The following KAZN variants were observed in gnomAD, a reference collection of about 807,000 sequenced individuals.
The protein encoded by KAZN is kazrin.
A neutral mutation model predicts 87.4 loss-of-function variants in KAZN; 40 were observed. The ratio of observed to expected loss-of-function variants is 0.46; its 90% CI spans 0.36 to 0.60. KAZN has a LOEUF of 0.60. Ranked by LOEUF, KAZN falls within the 20% of genes least tolerant of loss-of-function variation. The probability of loss-of-function intolerance (pLI) is 0.00; values close to 1 mark genes in which losing one functional copy is unlikely to be tolerated. For synonymous variants in KAZN, 466 were observed against 458.3 expected (o/e 1.02, Z -0.22); for missense variants, 898 against 1,073.9 (o/e 0.84, Z 2.29).
intron 1 of KAZN, among the ~76,000 whole-genome samples, chr1:13,905,808 C>CG (rs1639415369): frequency 6.6e-6 from 1 of 152,020 alleles, no homozygotes; most frequent in Non-Finnish European, 1.5e-5. Context: ...GTATTAATTT[C>CG]CTATAGCCAT....
intron 1 of KAZN, among the ~76,000 whole-genome samples, chr1:14,633,453 TG>T (rs1401024240): frequency 6.6e-6 from 1 of 152,144 alleles, no homozygotes; most frequent in Non-Finnish European, 1.5e-5. Flanking sequence ...AAGAAATGTG[TG>T]GGTGCCTCTA....
intron 2 of KAZN, among the ~76,000 whole-genome samples, chr1:14,509,370 A>G (rs900455123): frequency 6.6e-6 from 1 of 152,180 alleles, no homozygotes; most frequent in Non-Finnish European, 1.5e-5. Flanking sequence ...TCACACCTAG[A>G]TCTTTCTACC....
rs533336346 is a variant in KAZN at position 14,807,510 on chromosome 1, C to G, written c.227-153174C>G. Among the ~76,000 whole-genome samples the G allele has an allele frequency of 2.0e-5, 3 of 152,198 alleles. No individual in the cohort carries two copies. In the South Asian group the frequency reaches 6.2e-4, roughly 32 times the overall value. On this transcript the variant is annotated intron_variant, in intron 1 of 14. Coordinates refer to ENST00000376030, the MANE Select transcript of KAZN (RefSeq NM_201628.3). ...AGGTCCATGCATGGTGGCTCACACCCGTAATCCCAGCCCTTTGGGAGGCCA... is the reference window on the plus strand; with the variant it reads ...AGGTCCATGCATGGTGGCTCACACCGGTAATCCCAGCCCTTTGGGAGGCCA...
chr1:14,858,765 C>T lies in KAZN; in HGVS notation c.227-101919C>T, dbSNP rs1650470998. On this transcript the variant is annotated intron_variant, in intron 1 of 14. Transcript: ENST00000376030. ...TACCCAAATTCCTCCTATATTTGCA[C>T]TCTTATTCCACTGGCTTGCATTGAG... 2.0e-5 allele frequency among the ~76,000 whole-genome samples: 3 copies of T among 152,162 alleles called. No individual in the cohort carries two copies. In the South Asian group the frequency reaches 6.2e-4, roughly 32 times the overall value.
At position 14,658,608 on chromosome 1, in the gene KAZN, G is replaced by GTA. The variant is rs200994162; in HGVS notation, c.226+59397_226+59398dup. ...AAAACTGTGGACTTGGAAAATATAT[G>GTA]TATATATATATATGACAACATTTTC... On this transcript the variant is annotated intron_variant, in intron 1 of 14. Coordinates refer to ENST00000376030, the MANE Select transcript of KAZN (RefSeq NM_201628.3). 2.1e-4 allele frequency among the ~76,000 whole-genome samples: 32 copies of GTA among 151,744 alleles called. 1 individual carries two copies. The highest frequency in any genetic ancestry group is 3.4e-3 in the Middle Eastern group (1 of 294).
chr1:14,574,937 A>G (rs1675089317), intron 2 of KAZN, among the ~76,000 whole-genome samples: 1 of 152,168 alleles, frequency 6.6e-6, no homozygotes, highest in African/African-American at 2.4e-5. Context: ...GGCATTGAGG[A>G]GGAAGAACAA....
chr1:14,297,250 T>C (rs922958003), intron 2 of KAZN, among the ~76,000 whole-genome samples: 1 of 152,190 alleles, frequency 6.6e-6, no homozygotes, highest in African/African-American at 2.4e-5. Flanking sequence ...TTGCCTTGGT[T>C]AAAAGATAAG....
rs542848166 is a variant in KAZN, at chr1:14,232,607, A to T, written c.249+52015A>T. Among the ~76,000 whole-genome samples, 4 of 152,264 alleles carry T rather than the reference A, an allele frequency of 2.6e-5. No homozygotes were observed. The South Asian group carries it at 8.3e-4, about 32-fold the overall frequency. ...TTATCCCAGCTGATACAGGGCTGAG[A>T]TACAATGGTTTCTTCTCCACTGCAT... On this transcript the variant is annotated intron_variant, in intron 2 of 16. Transcript: ENST00000636203.
chr1:15,067,381 C>A (rs1639291736), intron 8 of KAZN: 1 of 985,334 alleles, frequency 1.0e-6, no homozygotes, highest in Non-Finnish European at 1.2e-6. Flanking sequence ...GTGGCGTTGG[C>A]CCCAAAGAGG....
intron 1 of KAZN, among the ~76,000 whole-genome samples, chr1:14,678,763 GC>G (rs1640393762): frequency 6.6e-6 from 1 of 152,096 alleles, no homozygotes; most frequent in South Asian, 2.1e-4. Context: ...CTTTGCTATG[GC>G]CCTACTCTTT....
rs2100769726 is a variant in KAZN at position 14,807,612 on chromosome 1, A to G, written c.227-153072A>G. On this transcript the variant is annotated intron_variant, in intron 1 of 14. Coordinates refer to ENST00000376030, the MANE Select transcript of KAZN (RefSeq NM_201628.3). Reference sequence around the variant, plus strand: ...AGTGAGACTCTGTCTCTACAAGTTAAAAAAGAATTAGTCGGGCATGGTGGT... The same window carrying G: ...AGTGAGACTCTGTCTCTACAAGTTAGAAAAGAATTAGTCGGGCATGGTGGT... Among the ~76,000 whole-genome samples, 3 of 152,174 alleles carry G rather than the reference A, an allele frequency of 2.0e-5. No individual in the cohort carries two copies. The Middle Eastern group carries it at 0.01, about 518-fold the overall frequency.
intron 1 of KAZN, among the ~76,000 whole-genome samples, chr1:14,017,366 G>C (rs1033898386): frequency 5.3e-5 from 8 of 152,220 alleles, no homozygotes; most frequent in African/African-American, 1.9e-4. Context: ...TACAGTGCTT[G>C]CAATTTCAGC....
At chr1:14,234,822 T>TG (rs1648248978) in intron 2 of KAZN, among the ~76,000 whole-genome samples, 1 of 152,250 alleles carries the variant, frequency 6.6e-6, no homozygotes, top group South Asian at 2.1e-4. Context: ...CAAAGCAGGT[T>TG]GGCATATGTA....
intron 1 of KAZN, among the ~76,000 whole-genome samples, chr1:14,659,757 A>G (rs941438907): frequency 2.0e-5 from 3 of 152,150 alleles, no homozygotes; most frequent in Non-Finnish European, 4.4e-5. Flanking sequence ...GGCAATTTTC[A>G]TATCAGGCAG....
At chr1:14,544,738 T>TAAAA (rs58351260) in intron 2 of KAZN, among the ~76,000 whole-genome samples, 3 of 137,784 alleles carry the variant, frequency 2.2e-5, no homozygotes, top group African/African-American at 8.0e-5. Context: ...CTTCTTTATT[T>TAAAA]AAAAAAAAAA....
At chr1:14,040,653 T>A (rs2101394988) in intron 1 of KAZN, among the ~76,000 whole-genome samples, 1 of 152,148 alleles carries the variant, frequency 6.6e-6, no homozygotes, top group South Asian at 2.1e-4. Flanking sequence ...TCCCAGCTAC[T>A]CAGGCTGGGG....
At chr1:14,085,337 C>T (rs181976802) in intron 1 of KAZN, among the ~76,000 whole-genome samples, 63 of 152,202 alleles carry the variant, frequency 4.1e-4, no homozygotes, top group Admixed American at 2.0e-3. Context: ...TTTGGACAAA[C>T]GTATGTAGTC....
At chr1:14,628,971 C>T (rs1352975664) in intron 1 of KAZN, among the ~76,000 whole-genome samples, 9 of 151,884 alleles carry the variant, frequency 5.9e-5, no homozygotes, top group African/African-American at 1.7e-4. Flanking sequence ...CTCAGCCTCC[C>T]GAGTAGCTGG....
chr1:14,314,564 G>A (rs1298037247), intron 2 of KAZN, among the ~76,000 whole-genome samples: 1 of 152,102 alleles, frequency 6.6e-6, no homozygotes, highest in Non-Finnish European at 1.5e-5. Flanking sequence ...CATTCGTGAG[G>A]CTTCTTTCCA....
Sources: allele counts gnomAD v4.1 joint callset (sites outside exome capture counted in the v4.1 genomes callset), GRCh38; gene constraint gnomAD v4.1.1; transcripts MANE v1.5; gene names NCBI Gene and HGNC (gene_info 2026-07-23, HGNC 2026-07-21).